The following LIMS1 variants were observed in gnomAD, a reference collection of about 807,000 sequenced individuals.
LIMS1 encodes LIM and senescent cell antigen-like-containing domain protein 1.
Under a neutral mutation model 44.1 loss-of-function variants are expected in LIMS1, and 18 were observed. The observed-to-expected ratio is 0.41, with a 90% CI of 0.28 to 0.61. LIMS1 has a LOEUF of 0.61. LIMS1 is among the 20% of genes least tolerant of loss of function. LIMS1 has a pLI of 0.32. For synonymous variants in LIMS1, 93 were observed against 149.1 expected (o/e 0.62, Z 2.74); for missense variants, 201 against 422.0 (o/e 0.48, Z 4.59).
rs1174304386 is a variant in LIMS1 at position 108,654,988 on chromosome 2, G to A, written c.33-4617G>A. 3.7e-5 allele frequency: 58 copies of A among 1,562,864 alleles called. 1 individual carries two copies. The South Asian group carries it at 5.5e-4, about 15-fold the overall frequency. ...GGGAACAGTGGGAGTGACCCTGGCT[G>A]GGAAGCAGGGAGGCCTGGATATTGT... On this transcript the variant is annotated intron_variant, in intron 1 of 9. Coordinates refer to ENST00000544547, the Ensembl canonical transcript of LIMS1.
chr2:108,673,779 C>T (rs1262649750), intron 5 of LIMS1: 1 of 151,950 alleles, frequency 6.6e-6, no homozygotes, highest in East Asian at 1.9e-4. Context: ...TCCCAGTAGC[C>T]CCAGAAATAT....
At chr2:108,570,168 C>T (rs910447647) in intron 1 of LIMS1, among the ~76,000 whole-genome samples, 3 of 152,058 alleles carry the variant, frequency 2.0e-5, no homozygotes, top group Admixed American at 6.6e-5. Context: ...TGGTGGCTCA[C>T]GCCTGTAATC....
At chr2:108,575,757 A>G (rs575877072) in intron 1 of LIMS1, among the ~76,000 whole-genome samples, 1 of 152,304 alleles carries the variant, frequency 6.6e-6, no homozygotes, top group South Asian at 2.1e-4. Flanking sequence ...TATTGCAGAA[A>G]TCAATCCTGA....
At chr2:108,584,488 T>C (rs1431283707) in intron 1 of LIMS1, among the ~76,000 whole-genome samples, 2 of 151,948 alleles carry the variant, frequency 1.3e-5, no homozygotes, top group African/African-American at 4.8e-5. Context: ...CTAAACTTTA[T>C]TAAGTATCTA....
intron 1 of LIMS1, among the ~76,000 whole-genome samples, chr2:108,567,115 C>T (rs893208540): frequency 2.0e-5 from 3 of 152,206 alleles, no homozygotes; most frequent in African/African-American, 4.8e-5. Context: ...TTTTATTCAA[C>T]ATGATTTTGT....
Position 108,641,577 on chromosome 2 carries a change from C to T in LIMS1, c.33-18028C>T, listed in dbSNP as rs188973670. Among the ~76,000 whole-genome samples the T allele has an allele frequency of 1.5e-3, 229 of 152,302 alleles. 3 individuals are homozygous for T. Among genetic ancestry groups the T allele is most frequent in the South Asian group, 1.0e-3 (5 of 4,832 alleles). On this transcript the variant is annotated intron_variant, in intron 1 of 9. Coordinates refer to ENST00000544547, the Ensembl canonical transcript of LIMS1. ...ATTTTTAGCATATGTAACAAAGCCACGGTAGCTCTGCCTTACTTTGATAAT... is the reference window on the plus strand; with the variant it reads ...ATTTTTAGCATATGTAACAAAGCCATGGTAGCTCTGCCTTACTTTGATAAT...
chr2:108,639,792 A>C (rs1471347478), intron 1 of LIMS1, among the ~76,000 whole-genome samples: 1 of 152,180 alleles, frequency 6.6e-6, no homozygotes. Flanking sequence ...AAAATGTTAA[A>C]GTACTTGTTT....
chr2:108,651,302 G>A (rs1367501108), intron 1 of LIMS1, among the ~76,000 whole-genome samples: 28 of 152,186 alleles, frequency 1.8e-4, no homozygotes, highest in Non-Finnish European at 3.7e-4. Context: ...CTAGGGAGAG[G>A]CTAATGGGAA....
chr2:108,649,598 TAAAG>T (rs1379028936), intron 1 of LIMS1, among the ~76,000 whole-genome samples: 5 of 152,078 alleles, frequency 3.3e-5, no homozygotes, highest in Admixed American at 3.3e-4. Flanking sequence ...ATAGACTGGA[TAAAG>T]AAAATGTAGC....
At chr2:108,617,408 G>A (rs1019033163) in intron 1 of LIMS1, among the ~76,000 whole-genome samples, 1 of 152,152 alleles carries the variant, frequency 6.6e-6, no homozygotes, top group South Asian at 2.1e-4. Flanking sequence ...CAGAGTTTTA[G>A]TCTCACCAAG....
chr2:108,664,051 G>C (rs1164399047), intron 2 of LIMS1, among the ~76,000 whole-genome samples: 2 of 152,142 alleles, frequency 1.3e-5, no homozygotes, highest in African/African-American at 4.8e-5. Context: ...ACTATGCCTG[G>C]CCAGGAAAGA....
chr2:108,581,292 C>T (rs10177848), intron 1 of LIMS1, among the ~76,000 whole-genome samples: 55,092 of 152,048 alleles, frequency 0.36, 11,855 homozygotes, highest in East Asian at 0.88. Flanking sequence ...CAGTCGTAAG[C>T]TGCCAACTAA....
intron 1 of LIMS1, among the ~76,000 whole-genome samples, chr2:108,588,967 T>C (rs1353129731): frequency 6.6e-6 from 1 of 152,256 alleles, no homozygotes; most frequent in East Asian, 1.9e-4. Flanking sequence ...ATATGGTTTA[T>C]ATCCTGCAGA....
intron 1 of LIMS1, among the ~76,000 whole-genome samples, chr2:108,615,613 C>T (rs1201818868): frequency 1.3e-5 from 2 of 152,238 alleles, no homozygotes; most frequent in East Asian, 3.9e-4. Context: ...GGGTTCTCCT[C>T]CACACCCCAA....
chr2:108,605,030 C>CCTGCAG (rs1687200428), intron 1 of LIMS1, among the ~76,000 whole-genome samples: 1 of 152,208 alleles, frequency 6.6e-6, no homozygotes, highest in Admixed American at 6.5e-5. Context: ...CCTAGCCTCA[C>CCTGCAG]CTGCAGCTGC....
At chr2:108,573,290 C>T (rs924588078) in intron 1 of LIMS1, among the ~76,000 whole-genome samples, 5 of 151,266 alleles carry the variant, frequency 3.3e-5, no homozygotes, top group East Asian at 1.9e-4. Flanking sequence ...CTGCTTCTCC[C>T]GTTTTCTTTT....
At chr2:108,641,593 C>G (rs1435035430) in intron 1 of LIMS1, among the ~76,000 whole-genome samples, 5 of 152,286 alleles carry the variant, frequency 3.3e-5, no homozygotes, top group African/African-American at 1.2e-4. Context: ...CTCTGCCTTA[C>G]TTTGATAATA....
At chr2:108,633,863 G>T (rs1689068687) in intron 1 of LIMS1, among the ~76,000 whole-genome samples, 1 of 152,038 alleles carries the variant, frequency 6.6e-6, no homozygotes, top group African/African-American at 2.4e-5. Flanking sequence ...ACACACAGGT[G>T]TGTGTGTGTG....
At chr2:108,596,915 G>GTTTTTTTT (rs34313967) in intron 1 of LIMS1, among the ~76,000 whole-genome samples, 6 of 68,444 alleles carry the variant, frequency 8.8e-5, no homozygotes, top group African/African-American at 1.1e-4. Context: ...CGAAACATCT[G>GTTTTTTTT]TTTTTTTTTT....
Sources: gnomAD v4.1 joint callset for allele counts (sites outside exome capture counted in the v4.1 genomes callset) on GRCh38, gnomAD v4.1.1 for gene constraint, MANE v1.5 for transcripts, NCBI Gene and HGNC (gene_info 2026-07-23, HGNC 2026-07-21) for gene names.